FLNB: variants seen among roughly 807,000 people sequenced by gnomAD.
FLNB encodes filamin B, also known as filamin-B.
A neutral mutation model predicts 250.6 loss-of-function variants in FLNB; 111 were observed. That is an observed-to-expected ratio of 0.44 (90% confidence interval 0.38 to 0.52). FLNB has a LOEUF of 0.52. Among genes scored for constraint, FLNB ranks in the 20% least tolerant of loss-of-function variants. The pLI is 0.00. For missense variants in FLNB, 2,869 were observed against 3,447.8 expected (o/e 0.83, Z 4.20); for synonymous variants, 1,302 against 1,372.1 (o/e 0.95, Z 1.13).
At chr3:58,089,857 G>A (rs2097223383) in intron 4 of FLNB, among the ~76,000 whole-genome samples, 1 of 152,102 alleles carries the variant, frequency 6.6e-6, no homozygotes, top group African/African-American at 2.4e-5. Context: ...AGTGATCTTG[G>A]CTTACTGCAA....
chr3:58,090,563 C>T (rs764816266), intron 4 of FLNB, among the ~76,000 whole-genome samples: 2 of 152,096 alleles, frequency 1.3e-5, no homozygotes, highest in Non-Finnish European at 1.5e-5. Context: ...TAATGCGATG[C>T]GTTACTGTGA....
intron 29 of FLNB, among the ~76,000 whole-genome samples, chr3:58,139,858 T>G (rs1264884396): frequency 6.6e-6 from 1 of 152,120 alleles, no homozygotes; most frequent in Non-Finnish European, 1.5e-5. Context: ...TGCAATGATT[T>G]GGGGGTAAGA....
At chr3:58,154,439 G>A (rs2097350203) in intron 39 of FLNB, among the ~76,000 whole-genome samples, 3 of 152,132 alleles carry the variant, frequency 2.0e-5, no homozygotes, top group Admixed American at 2.0e-4. Context: ...CAGCTACTCG[G>A]GAGGCTGAGA....
At position 58,008,776 on chromosome 3, in the gene FLNB, C is replaced by G. The variant is rs1254928825; in HGVS notation, c.212C>G (p.Thr71Ser). 2.0e-5 allele frequency: 33 copies of G among 1,613,878 alleles called. No homozygotes were observed. Among genetic ancestry groups the G allele is most frequent in the Non-Finnish European group, 2.6e-5 (31 of 1,179,930 alleles). ...RMYRKYHQRP[T>S]FRQMQLENVS... Reference sequence around the variant, plus strand: ...TACCGCAAGTACCATCAGCGGCCCACCTTTCGCCAGATGCAGCTCGAGAAT... The same window carrying G: ...TACCGCAAGTACCATCAGCGGCCCAGCTTTCGCCAGATGCAGCTCGAGAAT... Residue 71 changes from threonine (T) to serine (S), a missense_variant, in exon 1 of 46, where the codon ACC becomes AGC. Physicochemically the swap from Thr to Ser is moderately conservative, Grantham distance 58. Transcript: ENST00000295956.
chr3:58,150,290 C>G, intron 38 of FLNB, 63 bp downstream of exon 38: 3 of 1,603,946 alleles, frequency 1.9e-6, no homozygotes, highest in Non-Finnish European at 2.6e-6. Flanking sequence ...CAGTGGGTGC[C>G]TTTGGGAACC....
rs773116327 is a variant in FLNB at position 58,108,564 on chromosome 3, T to C, written c.2048T>C (p.Phe683Ser). ...GCTGGAAAAGCTCCCTTAAAGATAT[T>C]TGCTCAGGTAAATTTCAGGGGGCCA... is the stretch of plus-strand genomic sequence containing the variant. ...KDAGKAPLKI[F>S]AQDGEGQRID... The change falls in exon 13 of 46, where the codon TTT (phenylalanine) becomes TCT (serine). Residue 683 changes from phenylalanine (F) to serine (S), a missense_variant. By Grantham distance (155) the Phe-to-Ser change is radical. Around this residue, in one of 5 missense-constraint regions of FLNB, gnomAD observed 1,348 missense variants for 1,466.7 expected, o/e 0.92. Transcript: ENST00000295956. 5.0e-6 allele frequency: 8 copies of C among 1,610,756 alleles called. No homozygotes were observed. Among genetic ancestry groups the C allele is most frequent in the Non-Finnish European group, 6.8e-6 (8 of 1,177,012 alleles).
At chr3:58,118,459 G>A (rs1038928077) in intron 18 of FLNB, among the ~76,000 whole-genome samples, 1 of 152,166 alleles carries the variant, frequency 6.6e-6, no homozygotes, top group African/African-American at 2.4e-5. Flanking sequence ...CCATGGGTAT[G>A]AGGCCCAGCT....
At chr3:58,154,639 C>A in intron 39 of FLNB, 152 bp from the exon 40 acceptor site, 1 of 750,764 alleles carries the variant, frequency 1.3e-6, no homozygotes, top group Non-Finnish European at 2.3e-6. Context: ...CAGCAATGGA[C>A]CTTGGACCTT....
chr3:58,146,142 A>C, intron 33 of FLNB, 93 bp downstream of exon 33: 1 of 1,333,436 alleles, frequency 7.5e-7, no homozygotes, highest in Non-Finnish European at 1.1e-6. Flanking sequence ...AAGTGAGACA[A>C]TCGAATGGTA....
chr3:58,071,262 C>A (rs1451883916), intron 1 of FLNB, among the ~76,000 whole-genome samples: 1 of 129,820 alleles, frequency 7.7e-6, no homozygotes, highest in African/African-American at 4.3e-5. Context: ...ACACCCCTAT[C>A]TCTCCTCGAT....
Position 58,169,856 on chromosome 3 carries a change from A to G in FLNB, c.7621+63A>G. ...GGGGCAGGCTGGGCACCCTGGGTAC[A>G]CTGGCCTTCCCTGCTGAGGTCTCCT... On this transcript the variant is annotated intron_variant, in intron 45 of 45. Coordinates refer to ENST00000295956, the MANE Select transcript of FLNB (RefSeq NM_001457.4). This position sits in a 1 kb window ranked among gnomAD's most constrained non-coding sequence, Gnocchi z 4.8. The G allele has an allele frequency of 7.1e-7, 1 of 1,412,298 alleles. No homozygotes were observed. The highest frequency in any genetic ancestry group is 9.9e-7 in the Non-Finnish European group (1 of 1,011,258). The allele number at this position is 1,412,298 out of a possible 1,614,324, so 87.5% of individuals were successfully genotyped here.
chr3:58,149,803 T>C, intron 36 of FLNB, 47 bp from the exon 37 acceptor site: 1 of 1,613,100 alleles, frequency 6.2e-7, no homozygotes, highest in Non-Finnish European at 8.5e-7. Flanking sequence ...AGGCTCCCTC[T>C]TCCTGAGGAG....
At chr3:58,086,332 T>C (rs1312739325) in intron 4 of FLNB, among the ~76,000 whole-genome samples, 1 of 152,082 alleles carries the variant, frequency 6.6e-6, no homozygotes, top group Non-Finnish European at 1.5e-5. Context: ...CATTTGCTTA[T>C]ATCAGTTACA....
chr3:58,065,229 G>A (rs905054004), intron 1 of FLNB, among the ~76,000 whole-genome samples: 2 of 152,186 alleles, frequency 1.3e-5, no homozygotes, highest in African/African-American at 4.8e-5. Flanking sequence ...TGAGTCAGGT[G>A]GAAATTCAGA....
At chr3:58,157,958 C>T (rs1271617293) in intron 41 of FLNB, among the ~76,000 whole-genome samples, 5 of 152,214 alleles carry the variant, frequency 3.3e-5, no homozygotes, top group Non-Finnish European at 7.3e-5. Context: ...CTTCCCGGGT[C>T]ATTTGATGCC....
chr3:58,023,968 CAGATGTG>C (rs2097118695), intron 1 of FLNB, among the ~76,000 whole-genome samples: 1 of 152,228 alleles, frequency 6.6e-6, no homozygotes, highest in African/African-American at 2.4e-5. Context: ...AAACATGTTT[CAGATGTG>C]AGCCTGACAA....
In FLNB at chr3:58,164,394, G is replaced by C. The variant is rs2107323193; in HGVS notation, c.7198+1064G>C. The C allele has an allele frequency of 6.6e-6, 1 of 152,506 alleles. No individual in the cohort carries two copies. The highest frequency in any genetic ancestry group is 2.1e-4 in the South Asian group (1 of 4,824). 9.4% of individuals were successfully genotyped at this position (152,506 alleles called of 1,614,324 possible). On this transcript the variant is annotated intron_variant, in intron 43 of 45. Transcript: ENST00000295956. The surrounding 1 kb of genome is among the most constrained non-coding windows in gnomAD (Gnocchi z 4.0). ...TCACTGGGGCATGTTTGCATTTGGTGTTACTTTGGACCCTCTTGGGAAAGC... is the reference window on the plus strand; with the variant it reads ...TCACTGGGGCATGTTTGCATTTGGTCTTACTTTGGACCCTCTTGGGAAAGC...
chr3:58,169,272 T>G lies in FLNB; in HGVS notation c.7418-318T>G. ...TTTACACTGCTTATACATAGACTATTTTATGTCAATAGAAAGATGTGAATT... is the reference window on the plus strand; with the variant it reads ...TTTACACTGCTTATACATAGACTATGTTATGTCAATAGAAAGATGTGAATT... On this transcript the variant is annotated intron_variant, in intron 44 of 45. Coordinates refer to ENST00000295956, the MANE Select transcript of FLNB (RefSeq NM_001457.4). This position sits in a 1 kb window ranked among gnomAD's most constrained non-coding sequence, Gnocchi z 4.8. 1 of 398,542 alleles carries G rather than the reference T, an allele frequency of 2.5e-6. No individual in the cohort carries two copies. The highest frequency in any genetic ancestry group is 5.4e-5 in the East Asian group (1 of 18,466). 24.7% of individuals were successfully genotyped at this position (398,542 alleles called of 1,614,324 possible).
intron 36 of FLNB, chr3:58,149,578 G>A (rs191911587): frequency 1.4e-5 from 7 of 511,082 alleles, no homozygotes; most frequent in East Asian, 7.3e-5. Context: ...CAGTTTGTAC[G>A]GGACACATCA....
Sources: gnomAD v4.1 joint callset for allele counts (sites outside exome capture counted in the v4.1 genomes callset) on GRCh38, gnomAD v4.1.1 for gene constraint, gnomAD v4.1.1 regional missense constraint, Gnocchi (gnomAD v3.1) non-coding constraint, MANE v1.5 for transcripts, NCBI Gene and HGNC (gene_info 2026-07-23, HGNC 2026-07-21) for gene names.